Variants in AKAP7 observed in about 807,000 individuals in gnomAD.
AKAP7 encodes the protein A-kinase anchoring protein 7, also known as A kinase (PRKA) anchor protein 7.
AKAP7 carries 39 observed loss-of-function variants against 39.5 expected under a neutral mutation model. The observed-to-expected ratio is 0.99, with a 90% CI of 0.76 to 1.29. The LOEUF (loss-of-function observed/expected upper bound fraction) is 1.29. Among genes scored for constraint, AKAP7 ranks in the 50% most tolerant of loss-of-function variants. AKAP7 has a pLI of 0.00. For synonymous variants in AKAP7, 140 were observed against 139.1 expected, an observed-to-expected ratio of 1.01 and a Z score of -0.05; for missense variants, 414 against 407.7, an observed-to-expected ratio of 1.02 and a Z score of -0.13.
At chr6:131,148,444 T>TAC (rs1801649976) in intron 2 of AKAP7, among the ~76,000 whole-genome samples, 1 of 139,718 alleles carries the variant, frequency 7.2e-6, no homozygotes. Context: ...TACTTGGACC[T>TAC]TTGACACTTA....
the AKAP7 span, among the ~76,000 whole-genome samples, chr6:131,126,360 G>A: frequency 1.3e-5 from 2 of 152,096 alleles, no homozygotes; most frequent in African/African-American, 4.8e-5. Context: ...ATGAATTAGC[G>A]ATGCAAATGT....
At chr6:131,134,532 A>G (rs1324646053), upstream of AKAP7, among the ~76,000 whole-genome samples, 1 of 152,194 alleles carries the variant, frequency 6.6e-6, no homozygotes, top group Non-Finnish European at 1.5e-5. Context: ...TTATATGATC[A>G]GCTCCATAAG....
At chr6:131,144,157 A>G (rs1801288748) in intron 1 of AKAP7, among the ~76,000 whole-genome samples, 1 of 145,598 alleles carries the variant, frequency 6.9e-6, no homozygotes, top group Admixed American at 7.0e-5. Context: ...TCCCATGTCT[A>G]CTTCTATCCA....
upstream of AKAP7, among the ~76,000 whole-genome samples, chr6:131,132,747 C>T (rs1800354910): frequency 6.6e-6 from 1 of 152,166 alleles, no homozygotes; most frequent in Non-Finnish European, 1.5e-5. Flanking sequence ...TATTTAAAGC[C>T]TTAGCAGCTT....
Position 131,198,496 on chromosome 6 carries a change from T to G in AKAP7, c.590-965T>G, listed in dbSNP as rs909569871. 8.5e-5 allele frequency among the ~76,000 whole-genome samples: 13 copies of G among 152,300 alleles called. No homozygotes were observed. The East Asian group carries it at 2.1e-3, about 25-fold the overall frequency. On this transcript the variant is annotated intron_variant, in intron 5 of 7. Coordinates refer to ENST00000431975, the MANE Select transcript of AKAP7 (RefSeq NM_016377.4). ...CTTGGAAATAGTTTTTTGTTTGTTT[T>G]TTTGTTTGTTTTGGGCCTTGCTTCT...
intron 2 of AKAP7, among the ~76,000 whole-genome samples, chr6:131,157,905 A>T (rs1304386749): frequency 6.6e-6 from 1 of 152,182 alleles, no homozygotes; most frequent in Admixed American, 6.5e-5. Flanking sequence ...ATTCATAATG[A>T]TATGGTCAGA....
intron 6 of AKAP7, among the ~76,000 whole-genome samples, chr6:131,212,451 T>G (rs951427992): frequency 2.0e-5 from 3 of 152,230 alleles, no homozygotes; most frequent in Non-Finnish European, 4.4e-5. Context: ...TCAGACTCCC[T>G]TATATCTGTT....
intron 7 of AKAP7, among the ~76,000 whole-genome samples, chr6:131,244,946 G>C (rs1271330129): frequency 6.6e-6 from 1 of 152,106 alleles, no homozygotes; most frequent in Non-Finnish European, 1.5e-5. Context: ...CAAAAGCACT[G>C]TAAAGAGAAG....
rs1402979393 is a variant in AKAP7 at position 131,169,383 on chromosome 6, C to T, written c.589+110C>T. On this transcript the variant is annotated intron_variant, in intron 5 of 7. Coordinates refer to ENST00000431975, the MANE Select transcript of AKAP7 (RefSeq NM_016377.4). ...AAATTTTAAAAGATGATGGACTAGA[C>T]TCAAGTATTTTTTAGGACTGTCCCA... is the stretch of plus-strand genomic sequence containing the variant. The T allele has an allele frequency of 9.8e-6, 12 of 1,227,232 alleles. No homozygotes were observed. The Admixed American group carries it at 1.9e-4, about 19-fold the overall frequency. 76.0% of individuals were successfully genotyped at this position (1,227,232 alleles called of 1,614,324 possible). A position where few individuals can be genotyped will look rare whatever the true frequency, so the allele number is the denominator to read the frequency against.
intron 7 of AKAP7, among the ~76,000 whole-genome samples, chr6:131,264,012 A>T (rs952055833): frequency 1.3e-5 from 2 of 152,122 alleles, no homozygotes; most frequent in African/African-American, 4.8e-5. Flanking sequence ...ACTTGCTATT[A>T]TAATTTATGT....
At chr6:131,234,485 A>C (rs1454060923) in intron 7 of AKAP7, among the ~76,000 whole-genome samples, 2 of 152,154 alleles carry the variant, frequency 1.3e-5, no homozygotes, top group South Asian at 2.1e-4. Flanking sequence ...GGAGGGAGGC[A>C]AATGAAAGAG....
At chr6:131,132,186 G>T (rs1022021431), upstream of AKAP7, among the ~76,000 whole-genome samples, 2 of 151,906 alleles carry the variant, frequency 1.3e-5, no homozygotes, top group Non-Finnish European at 2.9e-5. Flanking sequence ...GGTGGCGGGC[G>T]CCTGTGGTCC....
intron 5 of AKAP7, among the ~76,000 whole-genome samples, chr6:131,183,136 G>A (rs1805443683): frequency 6.6e-6 from 1 of 152,110 alleles, no homozygotes; most frequent in Non-Finnish European, 1.5e-5. Flanking sequence ...TAGAATACAG[G>A]AACTAACGAA....
intron 7 of AKAP7, among the ~76,000 whole-genome samples, chr6:131,257,323 G>A (rs1366541783): frequency 7.1e-6 from 1 of 141,552 alleles, no homozygotes; most frequent in Non-Finnish European, 1.5e-5. Flanking sequence ...TGCCATGATT[G>A]CACCACTGTA....
intron 2 of AKAP7, among the ~76,000 whole-genome samples, chr6:131,145,668 T>G (rs995735571): frequency 3.9e-5 from 6 of 152,082 alleles, no homozygotes; most frequent in Admixed American, 3.9e-4. Flanking sequence ...CTCAGCTTCC[T>G]GGTGGGAGGT....
chr6:131,236,268 C>G (rs370946132), intron 7 of AKAP7, among the ~76,000 whole-genome samples: 1 of 152,136 alleles, frequency 6.6e-6, no homozygotes, highest in Non-Finnish European at 1.5e-5. Context: ...GTCTATATCT[C>G]TGTTTTGGTA....
At chr6:131,242,621 G>C (rs191298171) in intron 7 of AKAP7, among the ~76,000 whole-genome samples, 48 of 152,098 alleles carry the variant, frequency 3.2e-4, no homozygotes, top group Admixed American at 1.2e-3. Context: ...GACACTAGTA[G>C]CTTGCCTATT....
chr6:131,152,763 G>T (rs1271562234), intron 2 of AKAP7, among the ~76,000 whole-genome samples: 2 of 148,170 alleles, frequency 1.3e-5, no homozygotes, highest in Admixed American at 1.4e-4. Flanking sequence ...GGAGGTGGAG[G>T]TTGCAGTGAG....
chr6:131,210,046 A>C lies in AKAP7; in HGVS notation c.703-9615A>C, dbSNP rs180993679. 2.8e-4 allele frequency among the ~76,000 whole-genome samples: 43 copies of C among 152,266 alleles called. No homozygotes were observed. The East Asian group carries it at 4.8e-3, about 17-fold the overall frequency. ...TGTCACTGGAAAGATTGGCCAACCAACTCTTATTAAAATAATTAACTGCAT... is the reference window on the plus strand; with the variant it reads ...TGTCACTGGAAAGATTGGCCAACCACCTCTTATTAAAATAATTAACTGCAT... On this transcript the variant is annotated intron_variant, in intron 6 of 7. Transcript: ENST00000431975.
Sources: gnomAD v4.1 joint callset for allele counts (sites outside exome capture counted in the v4.1 genomes callset) on GRCh38, gnomAD v4.1.1 for gene constraint, MANE v1.5 for transcripts, NCBI Gene and HGNC (gene_info 2026-07-23, HGNC 2026-07-21) for gene names.